Variants in ATXN7 observed in about 807,000 individuals in gnomAD.
ATXN7 encodes the protein ataxin 7, also known as ataxin-7.
In ATXN7, 12 loss-of-function variants were observed where a neutral mutation model predicts 70.5. The ratio of observed to expected loss-of-function variants is 0.17; its 90% CI spans 0.11 to 0.28. ATXN7 has a LOEUF of 0.28. Ranked by LOEUF, ATXN7 falls within the 10% of genes least tolerant of loss-of-function variation. ATXN7 has a pLI of 1.00. For missense variants in ATXN7, 1,256 were observed against 1,131.7 expected (o/e 1.11, Z -1.58); for synonymous variants, 498 against 448.7 (o/e 1.11, Z -1.39).
At chr3:63,885,697 C>A (rs1212436919) in intron 1 of ATXN7, among the ~76,000 whole-genome samples, 1 of 152,072 alleles carries the variant, frequency 6.6e-6, no homozygotes, top group Non-Finnish European at 1.5e-5. Flanking sequence ...TCTTGGTATC[C>A]ATCAATGGAT....
At chr3:63,981,548 A>G (rs1023760324) in intron 6 of ATXN7, among the ~76,000 whole-genome samples, 7 of 152,226 alleles carry the variant, frequency 4.6e-5, no homozygotes, top group Non-Finnish European at 2.9e-5. Context: ...CAAGATTCAT[A>G]TCTTTGTTAA....
At chr3:63,957,982 A>C (rs1229030825) in intron 5 of ATXN7, among the ~76,000 whole-genome samples, 1 of 152,208 alleles carries the variant, frequency 6.6e-6, no homozygotes, top group Admixed American at 6.5e-5. Context: ...CGATAATGTT[A>C]TATATTGAGC....
At chr3:63,920,111 T>C (rs1012861608) in intron 4 of ATXN7, among the ~76,000 whole-genome samples, 13 of 152,068 alleles carry the variant, frequency 8.5e-5, no homozygotes, top group African/African-American at 3.1e-4. Flanking sequence ...GCCCCATATC[T>C]TTATAATTTT....
At chr3:63,871,374 TA>T (rs1407720643) in intron 1 of ATXN7, among the ~76,000 whole-genome samples, 3 of 152,106 alleles carry the variant, frequency 2.0e-5, no homozygotes, top group African/African-American at 4.8e-5. Context: ...TCCTTCTTGT[TA>T]AAAAAAGTAA....
rs767883373 is a variant in ATXN7, at chr3:63,996,229, T to C, written c.2407T>C (p.Ser803Pro). 20 of 1,614,086 alleles carry C rather than the reference T, an allele frequency of 1.2e-5. No homozygotes were observed. Among genetic ancestry groups the C allele is most frequent in the Non-Finnish European group, 1.7e-5 (20 of 1,180,012 alleles). ...GGTGAACAGCAGTGATTCTACTCTT[T>C]CTCTTGGGCCATTCATTCACCAGTC... The part of the protein sequence containing the change: ...VMVNSSDSTL[S>P]LGPFIHQSNE... Residue 803 changes from serine (S) to proline (P), a missense_variant, in exon 12 of 13, where the codon TCT (serine) becomes CCT (proline). Transcript: ENST00000674280.
Position 63,999,519 on chromosome 3 carries a change from T to A in ATXN7, c.*52T>A. ...AATGCGGACACTTTTGAGGACAAGT[T>A]ACACCTCCACTCAGCACTCTGGACT... On this transcript the variant is annotated 3_prime_UTR_variant, in exon 13 of 13. Transcript: ENST00000674280. 1 of 1,610,648 alleles carries A rather than the reference T, an allele frequency of 6.2e-7. No individual in the cohort carries two copies. The highest frequency in any genetic ancestry group is 8.5e-7 in the Non-Finnish European group (1 of 1,178,230).
rs763353457 is a variant in ATXN7, at chr3:63,978,637, TCA to T, written c.500-1276_500-1275del. On this transcript the variant is annotated intron_variant, in intron 5 of 12. Transcript: ENST00000674280. ...ACAAAAAGCAAAAGGCACTTATAAA[TCA>T]CTATCAATTTAACCTTCCTAACTTG... 4.7e-4 allele frequency among the ~76,000 whole-genome samples: 72 copies of T among 152,364 alleles called. No homozygotes were observed. In the Middle Eastern group the frequency reaches 0.01, roughly 22 times the overall value.
intron 5 of ATXN7, among the ~76,000 whole-genome samples, chr3:63,970,774 T>TA (rs1281450187): frequency 6.6e-6 from 1 of 152,230 alleles, no homozygotes; most frequent in Non-Finnish European, 1.5e-5. Context: ...TTCTCCCTTG[T>TA]AATCTGCCCT....
chr3:63,928,743 T>A (rs967068446), intron 4 of ATXN7, among the ~76,000 whole-genome samples: 1 of 152,242 alleles, frequency 6.6e-6, no homozygotes, highest in Non-Finnish European at 1.5e-5. Context: ...CCCTGATTTA[T>A]CAATTCAGCA....
At chr3:63,961,070 A>G (rs997184234) in intron 5 of ATXN7, among the ~76,000 whole-genome samples, 1 of 152,210 alleles carries the variant, frequency 6.6e-6, no homozygotes, top group Non-Finnish European at 1.5e-5. Flanking sequence ...GAGGATAAGT[A>G]TGCAATCAGA....
In ATXN7 at chr3:63,988,339, C is replaced by CG; in HGVS notation, c.1361+15_1361+16insG. 6.2e-7 allele frequency: 1 copy of CG among 1,613,706 alleles called. No individual in the cohort carries two copies. Among genetic ancestry groups the CG allele is most frequent in the Non-Finnish European group, 8.5e-7 (1 of 1,179,862 alleles). On this transcript the variant is annotated intron_variant, in intron 9 of 12. Transcript: ENST00000674280. Reference sequence around the variant, plus strand: ...AGTCTTCCAAGGTAAGCCAGGCCCTCCAACTCTTTCTCCCACCTTCAGAGA... The same window carrying CG: ...AGTCTTCCAAGGTAAGCCAGGCCCTCGCAACTCTTTCTCCCACCTTCAGAGA...
chr3:63,944,429 T>C (rs1575931444), intron 4 of ATXN7, among the ~76,000 whole-genome samples: 1 of 151,972 alleles, frequency 6.6e-6, no homozygotes, highest in East Asian at 1.9e-4. Context: ...ATAGCAGGAG[T>C]TGATCTGATA....
intron 1 of ATXN7, among the ~76,000 whole-genome samples, chr3:63,882,495 G>T (rs1022086614): frequency 6.7e-6 from 1 of 149,916 alleles, no homozygotes; most frequent in Non-Finnish European, 1.5e-5. Flanking sequence ...AGCAATTCTC[G>T]TGTCTCAGTC....
chr3:63,896,042 T>A (rs900087539), intron 1 of ATXN7, among the ~76,000 whole-genome samples: 3 of 152,160 alleles, frequency 2.0e-5, no homozygotes, highest in Non-Finnish European at 4.4e-5. Flanking sequence ...GTGTCGTGTG[T>A]CCAGCTTTGA....
chr3:63,891,499 T>C (rs1241271948), intron 1 of ATXN7, among the ~76,000 whole-genome samples: 1 of 151,956 alleles, frequency 6.6e-6, no homozygotes, highest in African/African-American at 2.4e-5. Flanking sequence ...TTTATTTTAA[T>C]TTTCATAGAG....
At chr3:63,954,338 A>T (rs1036254989) in intron 5 of ATXN7, among the ~76,000 whole-genome samples, 7 of 152,222 alleles carry the variant, frequency 4.6e-5, no homozygotes, top group African/African-American at 1.7e-4. Context: ...GACGTGAGCA[A>T]GCACAGGAGC....
At chr3:63,932,220 T>C (rs1322899169) in intron 4 of ATXN7, among the ~76,000 whole-genome samples, 3 of 152,230 alleles carry the variant, frequency 2.0e-5, no homozygotes, top group African/African-American at 7.2e-5. Context: ...GGTTTCTAAA[T>C]GTTTTGTTTT....
chr3:63,996,537 T>A (rs753650857), intron 12 of ATXN7, 54 bp downstream of exon 12: 23 of 1,564,498 alleles, frequency 1.5e-5, no homozygotes, highest in Non-Finnish European at 2.0e-5. Flanking sequence ...TCCCTTAAGA[T>A]CTTTTGTCAG....
chr3:63,973,493 G>A (rs544059936), intron 5 of ATXN7, among the ~76,000 whole-genome samples: 2 of 152,224 alleles, frequency 1.3e-5, no homozygotes, highest in Non-Finnish European at 2.9e-5. Flanking sequence ...GGCACATTCT[G>A]TCACAGTTCA....
Sources: allele counts gnomAD v4.1 joint callset (sites outside exome capture counted in the v4.1 genomes callset), GRCh38; gene constraint gnomAD v4.1.1; transcripts MANE v1.5; gene names NCBI Gene and HGNC (gene_info 2026-07-23, HGNC 2026-07-21).